Variants in EIF4G2 observed in about 807,000 individuals in gnomAD.
EIF4G2 encodes the protein DAP-5.
A neutral mutation model predicts 117.7 loss-of-function variants in EIF4G2; 8 were observed. That is an observed-to-expected ratio of 0.07 (90% CI 0.04 to 0.12). The LOEUF (loss-of-function observed/expected upper bound fraction) is 0.12. EIF4G2 is among the 10% of genes least tolerant of loss of function. The probability of loss-of-function intolerance (pLI) is 1.00; values close to 1 mark genes in which losing one functional copy is unlikely to be tolerated. For synonymous variants in EIF4G2, 413 were observed against 367.8 expected, an observed-to-expected ratio of 1.12 and a Z score of -1.41; for missense variants, 812 against 1,086.2, an observed-to-expected ratio of 0.75 and a Z score of 3.55.
At position 10,800,300 on chromosome 11, in the gene EIF4G2, G is replaced by C; in HGVS notation, c.1909C>G (p.Pro637Ala). ...TGTGCTAAATAGGATTTCACCAAAG[G>C]GATGTCAACCTCCAGTTTGGGACAC... The change falls in exon 18 of 22, where the codon CCT becomes GCT. Residue 637 changes from proline (P) to alanine (A), a missense_variant. Physicochemically the swap from Pro to Ala is conservative, Grantham distance 27 (BLOSUM62 -1). Coordinates refer to ENST00000339995, the MANE Select transcript of EIF4G2 (RefSeq NM_001418.4). 1 of 1,614,126 alleles carries C rather than the reference G, an allele frequency of 6.2e-7. No homozygotes were observed. The highest frequency in any genetic ancestry group is 8.5e-7 in the Non-Finnish European group (1 of 1,180,014).
Position 10,800,797 on chromosome 11 carries a change from G to A in EIF4G2, c.1578C>T (p.Ile526=), listed in dbSNP as rs376981500. ...TGCTGGTCTTGGCAGGCTTTTCCTG[G>A]ATAAGCGGTGGATTAGTTTTGAGAC... is the stretch of plus-strand genomic sequence containing the variant. The change falls in exon 16 of 22, where the codon ATC becomes ATT. Residue 526 remains isoleucine (I), a synonymous_variant. Transcript: ENST00000339995. 1.4e-5 allele frequency: 23 copies of A among 1,614,172 alleles called. No homozygotes were observed. In the African/African-American group the frequency reaches 3.1e-4, roughly 22 times the overall value.
In EIF4G2 at chr11:10,800,596, T is replaced by C. The variant is rs759674213; in HGVS notation, c.1696A>G (p.Asn566Asp). The change falls in exon 17 of 22, where the codon AAT (asparagine) becomes GAT (aspartate). Residue 566 changes from asparagine (N) to aspartate (D), a missense_variant. Asn to Asp is a conservative substitution (Grantham distance 23, BLOSUM62 1). Transcript: ENST00000339995. ...GGAGCCCTCATTTCTCTTACACCAT[T>C]GACAGCCTCATTTGCATTTCCACTA... 6.2e-7 allele frequency: 1 copy of C among 1,614,200 alleles called. No homozygotes were observed. Among genetic ancestry groups the C allele is most frequent in the Non-Finnish European group, 8.5e-7 (1 of 1,180,042 alleles).
rs1158901551 is a variant in EIF4G2, at chr11:10,800,420, A to C, written c.1860+12T>G. 2 of 1,613,898 alleles carry C rather than the reference A, an allele frequency of 1.2e-6. No homozygotes were observed. Among genetic ancestry groups the C allele is most frequent in the African/African-American group, 2.7e-5 (2 of 74,920 alleles). On this transcript the variant is annotated intron_variant, in intron 17 of 21. Coordinates refer to ENST00000339995, the MANE Select transcript of EIF4G2 (RefSeq NM_001418.4). ...TAAGAGTTCTTACCACACAATCAGTAAAGTGTCCTACCTGCATGAAGTTGT... is the reference window on the plus strand; with the variant it reads ...TAAGAGTTCTTACCACACAATCAGTCAAGTGTCCTACCTGCATGAAGTTGT...
At chr11:10,808,300 C>T in intron 1 of EIF4G2, 1 of 1,215,142 alleles carries the variant, frequency 8.2e-7, no homozygotes, top group Admixed American at 3.2e-5. Context: ...GGCCAGGCTC[C>T]GGGACGCCTG....
At position 10,800,064 on chromosome 11, in the gene EIF4G2, A is replaced by G. The variant is rs778947703; in HGVS notation, c.2119+26T>C. On this transcript the variant is annotated intron_variant, in intron 18 of 21. Coordinates refer to ENST00000339995, the MANE Select transcript of EIF4G2 (RefSeq NM_001418.4). ...CTCTAGATATAATATTAAAAAAACA[A>G]AACAAACAAGTCAGCATTCTCTTAC... The G allele has an allele frequency of 1.2e-5, 20 of 1,601,756 alleles. 1 individual carries two copies. Among genetic ancestry groups the G allele is most frequent in the Middle Eastern group, 3.3e-4 (2 of 6,008 alleles).
At position 10,803,262 on chromosome 11, in the gene EIF4G2, G is replaced by C. The variant is rs767201730; in HGVS notation, c.846C>G (p.Cys282Trp). Residue 282 changes from cysteine (C) to tryptophan (W), a missense_variant, in exon 10 of 22, where the codon TGC becomes TGG. Coordinates refer to ENST00000339995, the MANE Select transcript of EIF4G2 (RefSeq NM_001418.4). The surrounding 1 kb of genome is among the most constrained non-coding windows in gnomAD (Gnocchi z 4.0). ...GCAATTCCTTACTTAACATCAAGGA[G>C]CACATTCGGGCAAAGTACTGATCCA... 1.2e-6 allele frequency: 2 copies of C among 1,614,038 alleles called. No homozygotes were observed. The highest frequency in any genetic ancestry group is 1.7e-6 in the Non-Finnish European group (2 of 1,179,988).
At chr11:10,807,996 T>A in intron 1 of EIF4G2, 1 of 1,040,282 alleles carries the variant, frequency 9.6e-7, no homozygotes, top group South Asian at 2.9e-5. Flanking sequence ...GTTAGGGAAG[T>A]GCTTCCGACA....
intron 13 of EIF4G2, 73 bp downstream of exon 13, chr11:10,801,976 G>A (rs1327232940): frequency 4.0e-5 from 7 of 176,670 alleles, no homozygotes; most frequent in Non-Finnish European, 5.1e-5. Context: ...CTAATCTTAA[G>A]GATAAACATT....
chr11:10,798,045 G>C (rs1193421580), intron 21 of EIF4G2, among the ~76,000 whole-genome samples, 164 bp from the exon 22 acceptor site: 2 of 152,236 alleles, frequency 1.3e-5, no homozygotes, highest in Non-Finnish European at 2.9e-5. Context: ...CCAGATTTGG[G>C]ACAACACAGA....
intron 15 of EIF4G2, 21 bp from the exon 16 acceptor site, chr11:10,800,856 G>A (rs938271695): frequency 3.7e-6 from 6 of 1,612,470 alleles, no homozygotes; most frequent in Non-Finnish European, 5.1e-6. Context: ...AGCAATGACA[G>A]ACTTTTTTTA....
In EIF4G2 at chr11:10,804,416, A is replaced by T. The variant is rs767145355; in HGVS notation, c.354T>A (p.Ile118=). 1.7e-5 allele frequency: 26 copies of T among 1,575,396 alleles called. No individual in the cohort carries two copies. Among genetic ancestry groups the T allele is most frequent in the Non-Finnish European group, 2.2e-5 (25 of 1,162,704 alleles). Residue 118 remains isoleucine, a splice_region_variant and synonymous_variant, in exon 6 of 22, where the codon ATT becomes ATA. Coordinates refer to ENST00000339995, the MANE Select transcript of EIF4G2 (RefSeq NM_001418.4). ...TTGGCTCTTCTAGGGCTTTGTCCAC[A>T]ATCTACAGAAAATGTCATTGCTTAA...
At chr11:10,806,130 A>G in intron 3 of EIF4G2, 83 bp from the exon 4 acceptor site, 1 of 1,582,350 alleles carries the variant, frequency 6.3e-7, no homozygotes, top group Non-Finnish European at 8.6e-7. Flanking sequence ...AGAAAAAAGT[A>G]ATTTAGGCTT....
chr11:10,800,693 C>T (rs571238205), intron 16 of EIF4G2, 38 bp downstream of exon 16: 3 of 1,613,860 alleles, frequency 1.9e-6, no homozygotes, highest in African/African-American at 1.3e-5. Context: ...ATCTCAAATA[C>T]AGGCTAATTA....
At chr11:10,806,766 A>G in intron 3 of EIF4G2, 54 bp downstream of exon 3, 1 of 1,590,964 alleles carries the variant, frequency 6.3e-7, no homozygotes, top group Non-Finnish European at 8.6e-7. Context: ...TCACATGGGA[A>G]AGACTTTTAA....
intron 4 of EIF4G2, among the ~76,000 whole-genome samples, 179 bp from the exon 5 acceptor site, chr11:10,805,194 A>G (rs1255052744): frequency 1.3e-5 from 2 of 152,220 alleles, no homozygotes; most frequent in African/African-American, 4.8e-5. Context: ...TTTAATTACA[A>G]TGATTTGAAT....
chr11:10,801,494 C>T, intron 14 of EIF4G2, 167 bp downstream of exon 14: 1 of 790,160 alleles, frequency 1.3e-6, no homozygotes, highest in Non-Finnish European at 2.2e-6. Flanking sequence ...AATCTTCGCT[C>T]ACAGGACGCT....
intron 1 of EIF4G2, chr11:10,807,662 G>A: frequency 1.9e-6 from 2 of 1,028,518 alleles, no homozygotes; most frequent in Non-Finnish European, 2.3e-6. Flanking sequence ...CTTTAAAACT[G>A]AGCACTGAGA....
Position 10,800,438 on chromosome 11 carries a change from G to C in EIF4G2, c.1854C>G (p.Phe618Leu), listed in dbSNP as rs745576564. The C allele has an allele frequency of 1.2e-6, 2 of 1,614,188 alleles. No individual in the cohort carries two copies. Among genetic ancestry groups the C allele is most frequent in the Non-Finnish European group, 1.7e-6 (2 of 1,180,018 alleles). Residue 618 changes from phenylalanine to leucine, a missense_variant, in exon 17 of 22, where the codon TTC becomes TTG. Phe to Leu is a conservative substitution (Grantham distance 22). Transcript: ENST00000339995. ...AATCAGTAAAGTGTCCTACCTGCAT[G>C]AAGTTGTCACTTGTGGCTATCCCTT...
chr11:10,798,908 A>T, intron 21 of EIF4G2, 84 bp downstream of exon 21: 1 of 1,505,536 alleles, frequency 6.6e-7, no homozygotes, highest in Non-Finnish European at 8.9e-7. Context: ...CCTTGCCTGT[A>T]TTTCAGTTGA....
Sources: gnomAD v4.1 joint callset for allele counts (sites outside exome capture counted in the v4.1 genomes callset) on GRCh38, gnomAD v4.1.1 for gene constraint, Gnocchi (gnomAD v3.1) non-coding constraint, MANE v1.5 for transcripts, NCBI Gene and HGNC (gene_info 2026-07-23, HGNC 2026-07-21) for gene names.